Variants in CMIP observed in about 807,000 individuals in gnomAD.
CMIP encodes c-Maf inducing protein, also known as C-Maf-inducing protein.
CMIP carries 13 observed loss-of-function variants against 97.3 expected under a neutral mutation model. That is an observed-to-expected ratio of 0.13 (90% CI 0.09 to 0.21). The LOEUF is 0.21. Ranked by LOEUF, CMIP falls within the 10% of genes least tolerant of loss-of-function variation. The pLI is 1.00. For missense variants in CMIP, 847 were observed against 1,024.9 expected, an observed-to-expected ratio of 0.83 and a Z score of 2.37; for synonymous variants, 538 against 436.3, an observed-to-expected ratio of 1.23 and a Z score of -2.91.
intron 1 of CMIP, among the ~76,000 whole-genome samples, chr16:81,580,824 A>G (rs1456535884): frequency 6.6e-6 from 1 of 152,138 alleles, no homozygotes; most frequent in African/African-American, 2.4e-5. Context: ...AGCATAGTTC[A>G]GCGGCCTTTA....
At chr16:81,646,593 A>G (rs982798558) in intron 3 of CMIP, among the ~76,000 whole-genome samples, 8 of 152,322 alleles carry the variant, frequency 5.3e-5, no homozygotes, top group African/African-American at 1.9e-4. Flanking sequence ...GTTTTAGAGC[A>G]TTTCCACCAT....
intron 1 of CMIP, among the ~76,000 whole-genome samples, chr16:81,450,419 G>C (rs1361513306): frequency 6.6e-6 from 1 of 152,082 alleles, no homozygotes; most frequent in Non-Finnish European, 1.5e-5. Context: ...TCCCTTGCTG[G>C]GCCTTGTTTT....
At chr16:81,551,937 G>A (rs1435397075) in intron 1 of CMIP, among the ~76,000 whole-genome samples, 1 of 152,210 alleles carries the variant, frequency 6.6e-6, no homozygotes, top group African/African-American at 2.4e-5. Context: ...TTCTTGCTCA[G>A]TCACCATGGA....
chr16:81,498,816 C>A (rs2089542376), intron 1 of CMIP, among the ~76,000 whole-genome samples: 2 of 152,202 alleles, frequency 1.3e-5, no homozygotes, highest in South Asian at 4.1e-4. Context: ...CCCATATCTT[C>A]CTGCCCCTGC....
chr16:81,647,495 A>C (rs966588926), intron 3 of CMIP, among the ~76,000 whole-genome samples: 2 of 152,150 alleles, frequency 1.3e-5, no homozygotes, highest in African/African-American at 4.8e-5. Context: ...TGAAAACACC[A>C]GGTCGTGTGC....
intron 1 of CMIP, among the ~76,000 whole-genome samples, chr16:81,548,621 A>G (rs1045191269): frequency 6.6e-6 from 1 of 151,440 alleles, no homozygotes; most frequent in African/African-American, 2.4e-5. Context: ...TGGGAGGATC[A>G]CTTGAAGCTA....
chr16:81,530,197 C>G (rs908254080), intron 1 of CMIP, among the ~76,000 whole-genome samples: 4 of 152,154 alleles, frequency 2.6e-5, no homozygotes, highest in Admixed American at 1.3e-4. Flanking sequence ...AGAATCTGAT[C>G]CATTCCTACC....
At chr16:81,521,204 C>T (rs2090019865) in intron 1 of CMIP, among the ~76,000 whole-genome samples, 1 of 152,224 alleles carries the variant, frequency 6.6e-6, no homozygotes, top group Non-Finnish European at 1.5e-5. Context: ...GGGACCCTTT[C>T]AGCCCCGAGG....
At chr16:81,469,154 G>A (rs755742135) in intron 1 of CMIP, among the ~76,000 whole-genome samples, 2 of 152,224 alleles carry the variant, frequency 1.3e-5, no homozygotes, top group African/African-American at 4.8e-5. Flanking sequence ...AACCTTTGAC[G>A]TTGGTGGGGA....
At position 81,710,637 on chromosome 16, in the gene CMIP, C is replaced by A. The variant is rs1201382157; in HGVS notation, c.*838C>A. On this transcript the variant is annotated 3_prime_UTR_variant, in exon 21 of 21. Transcript: ENST00000537098. ...GTCTGTCTGTCTGTCTGCCCACTCCCCCACCCACCACTGTGCGTTTCTGAT... is the reference window on the plus strand; with the variant it reads ...GTCTGTCTGTCTGTCTGCCCACTCCACCACCCACCACTGTGCGTTTCTGAT... 1 of 152,258 alleles carries A rather than the reference C, an allele frequency of 6.6e-6. No individual in the cohort carries two copies. Among genetic ancestry groups the A allele is most frequent in the Non-Finnish European group, 1.5e-5 (1 of 68,030 alleles). 9.4% of individuals were successfully genotyped at this position (152,258 alleles called of 1,614,324 possible).
chr16:81,593,913 G>A (rs781259110), intron 1 of CMIP, among the ~76,000 whole-genome samples: 8 of 152,026 alleles, frequency 5.3e-5, no homozygotes, highest in Non-Finnish European at 1.0e-4. Flanking sequence ...GGCAGGTACA[G>A]TATTCCTTCC....
intron 1 of CMIP, among the ~76,000 whole-genome samples, chr16:81,468,116 A>C (rs1411425621): frequency 1.3e-5 from 2 of 152,042 alleles, no homozygotes; most frequent in Non-Finnish European, 2.9e-5. Context: ...AAGTCTTTGA[A>C]ATGCACGATC....
chr16:81,515,761 G>A (rs2089900783), intron 1 of CMIP, among the ~76,000 whole-genome samples: 1 of 152,180 alleles, frequency 6.6e-6, no homozygotes, highest in African/African-American at 2.4e-5. Context: ...GCTGGGTGTG[G>A]TCGGGAGCCA....
intron 1 of CMIP, among the ~76,000 whole-genome samples, chr16:81,592,439 C>T (rs563028688): frequency 1.3e-5 from 2 of 152,336 alleles, no homozygotes; most frequent in African/African-American, 4.8e-5. Flanking sequence ...TCAAAGGCCA[C>T]CTCTGGGCAG....
At chr16:81,484,724 G>A (rs973788525) in intron 1 of CMIP, among the ~76,000 whole-genome samples, 4 of 152,192 alleles carry the variant, frequency 2.6e-5, no homozygotes, top group African/African-American at 4.8e-5. Flanking sequence ...AGTACTCGGC[G>A]TGCTCTGGAT....
intron 1 of CMIP, among the ~76,000 whole-genome samples, chr16:81,498,616 C>T (rs563996525): frequency 6.6e-6 from 1 of 152,200 alleles, no homozygotes; most frequent in Non-Finnish European, 1.5e-5. Flanking sequence ...CATGTGTGCC[C>T]CAGAACATGG....
chr16:81,668,397 A>G lies in CMIP; in HGVS notation c.826-1745A>G, dbSNP rs1597221075. Among the ~76,000 whole-genome samples the G allele has an allele frequency of 3.3e-5, 5 of 152,004 alleles. No homozygotes were observed. The South Asian group carries it at 1.0e-3, about 32-fold the overall frequency. ...TGTCCGGCCCGTGCCTCTCTCCTGC[A>G]CCTCTGTTCTGCTCCTGGCAAGCCC... On this transcript the variant is annotated intron_variant, in intron 7 of 20. Transcript: ENST00000537098.
chr16:81,648,503 G>C (rs986821706), intron 3 of CMIP, among the ~76,000 whole-genome samples: 1 of 152,090 alleles, frequency 6.6e-6, no homozygotes, highest in African/African-American at 2.4e-5. Context: ...TGAAGAGTTG[G>C]CCAGGCGCAG....
intron 1 of CMIP, among the ~76,000 whole-genome samples, chr16:81,548,413 A>G (rs1210772076): frequency 6.6e-6 from 1 of 152,126 alleles, no homozygotes; most frequent in Non-Finnish European, 1.5e-5. Context: ...CTGGGATTAC[A>G]GTGTGAGGCA....
Sources: allele counts gnomAD v4.1 joint callset (sites outside exome capture counted in the v4.1 genomes callset), GRCh38; gene constraint gnomAD v4.1.1; transcripts MANE v1.5; gene names NCBI Gene and HGNC (gene_info 2026-07-23, HGNC 2026-07-21).